Variants in POLQ observed in about 807,000 individuals in gnomAD.
POLQ encodes the protein epididymis secretory sperm binding protein.
Under a neutral mutation model 259.2 loss-of-function variants are expected in POLQ, and 233 were observed. That is an observed-to-expected ratio of 0.90 (90% CI 0.81 to 1.00). The LOEUF is 1.00. Ranked by LOEUF, POLQ falls within the 50% of genes least tolerant of loss-of-function variation. The pLI, the probability that POLQ is intolerant of heterozygous loss-of-function variation, is 0.00. For synonymous variants in POLQ, 1,025 were observed against 1,048.8 expected (o/e 0.98, Z 0.44); for missense variants, 2,871 against 3,051.6 (o/e 0.94, Z 1.39).
chr3:121,513,356 C>A (rs550938174), intron 9 of POLQ, among the ~76,000 whole-genome samples: 44 of 152,104 alleles, frequency 2.9e-4, no homozygotes, highest in African/African-American at 8.7e-4. Flanking sequence ...TTAATCCCAG[C>A]ACTTTGGGAG....
chr3:121,488,108 C>G lies in POLQ; in HGVS notation c.4823G>C (p.Gly1608Ala). 6.2e-7 allele frequency: 1 copy of G among 1,613,690 alleles called. No homozygotes were observed. The highest frequency in any genetic ancestry group is 1.1e-5 in the South Asian group (1 of 90,990). ...LDEHHQGDQDGGDQDERAEKS... is the reference protein window; with the variant it reads ...LDEHHQGDQDAGDQDERAEKS... ...TTCAGCCCTTTCATCTTGATCTCCT[C>G]CATCTTGATCACCTTGGTGGTGCTC... The change falls in exon 16 of 30, where the codon GGA becomes GCA. Residue 1608 changes from glycine to alanine, a missense_variant. Gly to Ala is a moderately conservative substitution (Grantham distance 60, BLOSUM62 0). This residue lies in a region of POLQ where 2,080 missense variants were observed against 2,126.0 expected (regional missense o/e 0.98). Transcript: ENST00000264233.
At chr3:121,511,056 T>C (rs1182856670) in intron 10 of POLQ, among the ~76,000 whole-genome samples, 1 of 151,932 alleles carries the variant, frequency 6.6e-6, no homozygotes, top group African/African-American at 2.4e-5. Flanking sequence ...TGAAACCCCA[T>C]CTCTACTGAA....
rs776429965 is a variant in POLQ at position 121,544,898 on chromosome 3, T to G, written c.172A>C (p.Lys58Gln). Residue 58 changes from lysine to glutamine, a missense_variant, in exon 2 of 30, where the codon AAG (lysine) becomes CAG (glutamine). Around this residue, in one of 3 missense-constraint regions of POLQ, gnomAD observed 783 missense variants for 906.2 expected, o/e 0.86. Transcript: ENST00000264233. ...CLKAAAAGEC[K>Q]PTVPDYERDK... ...CTTTCGTAGTCAGGAACTGTAGGCT[T>G]GCATTCTCCTTTTAGGAAAAAGAAA... 4.4e-6 allele frequency: 7 copies of G among 1,583,622 alleles called. No homozygotes were observed. Among genetic ancestry groups the G allele is most frequent in the Admixed American group, 1.9e-5 (1 of 53,970 alleles).
intron 25 of POLQ, among the ~76,000 whole-genome samples, chr3:121,452,238 G>A (rs949129909): frequency 3.3e-5 from 5 of 152,122 alleles, no homozygotes; most frequent in African/African-American, 1.2e-4. Flanking sequence ...TGCTTCCCAG[G>A]TGAGGTGATG....
intron 16 of POLQ, among the ~76,000 whole-genome samples, chr3:121,485,399 T>C (rs1365512937): frequency 2.0e-5 from 3 of 152,204 alleles, no homozygotes; most frequent in Non-Finnish European, 4.4e-5. Flanking sequence ...ATCAAGGATT[T>C]GTTAAAATAA....
At chr3:121,507,558 C>T (rs1433633563) in intron 12 of POLQ, among the ~76,000 whole-genome samples, 1 of 151,992 alleles carries the variant, frequency 6.6e-6, no homozygotes, top group East Asian at 1.9e-4. Context: ...AAAACTCTGT[C>T]TCTACTAAAA....
chr3:121,470,219 A>C (rs2047872580), intron 22 of POLQ, among the ~76,000 whole-genome samples: 2 of 152,180 alleles, frequency 1.3e-5, no homozygotes, highest in African/African-American at 4.8e-5. Flanking sequence ...AGATCACGCC[A>C]CTGCACTCCA....
chr3:121,521,795 T>C (rs1242517312), intron 8 of POLQ: 1 of 296,036 alleles, frequency 3.4e-6, no homozygotes, highest in African/African-American at 2.2e-5. Context: ...GGTCTTAAAC[T>C]CCTGATCTCA....
Position 121,488,403 on chromosome 3 carries a change from T to C in POLQ, c.4528A>G (p.Lys1510Glu). The C allele has an allele frequency of 6.2e-7, 1 of 1,613,200 alleles. No individual in the cohort carries two copies. Residue 1510 changes from lysine to glutamate, a missense_variant, in exon 16 of 30, where the codon AAA becomes GAA. By Grantham distance (56) the Lys-to-Glu change is moderately conservative. Transcript: ENST00000264233. ...GTTACTTCTGAAGGAAGGGGTTCTT[T>C]CATTTGCATATCAGGTAATTGTTCT... is the stretch of plus-strand genomic sequence containing the variant. ...VKEQLPDMQM[K>E]EPLPSEVTSN...
At chr3:121,495,641 G>C (rs990624726) in intron 14 of POLQ, among the ~76,000 whole-genome samples, 2 of 151,342 alleles carry the variant, frequency 1.3e-5, no homozygotes, top group African/African-American at 4.9e-5. Flanking sequence ...TCAGGAGATC[G>C]AGACCATCCT....
At chr3:121,518,680 T>A (rs2048315102) in intron 9 of POLQ, among the ~76,000 whole-genome samples, 1 of 152,158 alleles carries the variant, frequency 6.6e-6, no homozygotes, top group African/African-American at 2.4e-5. Flanking sequence ...GCCCAGAATA[T>A]CCATTTCCCA....
chr3:121,522,941 T>C (rs761084339), intron 7 of POLQ, among the ~76,000 whole-genome samples: 1 of 152,228 alleles, frequency 6.6e-6, no homozygotes, highest in African/African-American at 2.4e-5. Context: ...CTCTGTGAAA[T>C]TATTCTTGCC....
chr3:121,448,788 G>A (rs974337319), intron 26 of POLQ, among the ~76,000 whole-genome samples: 7 of 152,092 alleles, frequency 4.6e-5, no homozygotes, highest in Non-Finnish European at 8.8e-5. Flanking sequence ...TGGTTGTGGT[G>A]TAAATTTTAT....
intron 7 of POLQ, among the ~76,000 whole-genome samples, chr3:121,526,875 A>ATGTG (rs112164513): frequency 0.016 from 2,320 of 148,906 alleles, 54 homozygotes; most frequent in African/African-American, 0.055. Flanking sequence ...GTGTCTCTGT[A>ATGTG]TGTGTGTGTG....
chr3:121,484,964 T>C lies in POLQ; in HGVS notation c.5773+77A>G. ...TCCTAGGTAAATATCAGGAAATTAT[T>C]CTCAAAATATAAGATCACTACCCTA... On this transcript the variant is annotated intron_variant, in intron 17 of 29. Transcript: ENST00000264233. The C allele has an allele frequency of 2.7e-6, 3 of 1,117,440 alleles. No individual in the cohort carries two copies. The South Asian group carries it at 5.5e-5, about 21-fold the overall frequency. The allele number at this position is 1,117,440 out of a possible 1,614,324, so 69.2% of individuals were successfully genotyped here. A position where few individuals can be genotyped will look rare whatever the true frequency, so the allele number is the denominator to read the frequency against.
At position 121,485,056 on chromosome 3, in the gene POLQ, C is replaced by T. The variant is rs746133712; in HGVS notation, c.5758G>A (p.Glu1920Lys). The change falls in exon 17 of 30, where the codon GAA becomes AAA. Residue 1920 changes from glutamate to lysine, a missense_variant. Transcript: ENST00000264233. ...RDAYYFSLQK[E>K]QKHSEISASL... ...CATTACTTACCAGAATGCTTTTGTT[C>T]CTTCTGCAGTGAAAAATAATAGGCA... 1.1e-5 allele frequency: 17 copies of T among 1,611,036 alleles called. No homozygotes were observed. The highest frequency in any genetic ancestry group is 1.3e-5 in the African/African-American group (1 of 74,916).
At chr3:121,522,404 C>T (rs1201532157) in intron 7 of POLQ, among the ~76,000 whole-genome samples, 1 of 144,008 alleles carries the variant, frequency 6.9e-6, no homozygotes, top group Admixed American at 7.2e-5. Context: ...CTCCGCTTCC[C>T]GGGTTCACGC....
chr3:121,502,045 A>C (rs1322504863), intron 12 of POLQ, among the ~76,000 whole-genome samples: 1 of 152,124 alleles, frequency 6.6e-6, no homozygotes, highest in East Asian at 1.9e-4. Context: ...GGTTGAAAGA[A>C]ACTCACCAAA....
chr3:121,472,291 T>G (rs2047889980), intron 21 of POLQ, 127 bp from the exon 22 acceptor site: 1 of 461,214 alleles, frequency 2.2e-6, no homozygotes, highest in South Asian at 5.9e-5. Flanking sequence ...TCAAAACTAT[T>G]ACTTGGAGTT....
Sources: allele counts gnomAD v4.1 joint callset (sites outside exome capture counted in the v4.1 genomes callset), GRCh38; gene constraint gnomAD v4.1.1; regional missense constraint gnomAD v4.1.1; transcripts MANE v1.5; gene names NCBI Gene and HGNC (gene_info 2026-07-23, HGNC 2026-07-21).